The following FAF1 variants were observed in gnomAD, a reference collection of about 807,000 sequenced individuals.
The protein encoded by FAF1 is Fas associated factor 1, also known as FAS-associated factor 1.
In FAF1, 25 loss-of-function variants were observed where a neutral mutation model predicts 92.5. The ratio of observed to expected loss-of-function variants is 0.27; its 90% CI spans 0.20 to 0.38. FAF1 has a LOEUF of 0.38. FAF1 is among the 10% of genes least tolerant of loss of function. FAF1 has a pLI of 1.00. For synonymous variants in FAF1, 234 were observed against 273.2 expected, an observed-to-expected ratio of 0.86 and a Z score of 1.42; for missense variants, 636 against 793.3, an observed-to-expected ratio of 0.80 and a Z score of 2.38.
At chr1:50,656,173 A>T (rs1342102345) in intron 7 of FAF1, among the ~76,000 whole-genome samples, 1 of 152,036 alleles carries the variant, frequency 6.6e-6, no homozygotes, top group Non-Finnish European at 1.5e-5. Context: ...CTTTACTAAA[A>T]ATACAAAAAA....
intron 4 of FAF1, among the ~76,000 whole-genome samples, chr1:50,767,870 C>G (rs1282935813): frequency 1.3e-5 from 2 of 152,126 alleles, no homozygotes; most frequent in African/African-American, 2.4e-5. Flanking sequence ...GCCATTAGCC[C>G]TACAAACAAT....
intron 6 of FAF1, among the ~76,000 whole-genome samples, chr1:50,732,059 C>T (rs1469603707): frequency 6.6e-6 from 1 of 151,596 alleles, no homozygotes; most frequent in Non-Finnish European, 1.5e-5. Flanking sequence ...TTGCTAAATA[C>T]ATTATTATTA....
At chr1:50,647,141 GCCCAGCCTA>G (rs1654635245) in intron 8 of FAF1, among the ~76,000 whole-genome samples, 1 of 152,188 alleles carries the variant, frequency 6.6e-6, no homozygotes, top group Non-Finnish European at 1.5e-5. Context: ...GAGCCACCAT[GCCCAGCCTA>G]GGGCTCCGGA....
intron 4 of FAF1, among the ~76,000 whole-genome samples, chr1:50,770,193 A>G (rs1407739040): frequency 6.6e-6 from 1 of 152,308 alleles, no homozygotes; most frequent in East Asian, 1.9e-4. Flanking sequence ...AAACCAGAAC[A>G]AGAAAAGGAT....
chr1:50,716,514 A>C (rs984768494), intron 6 of FAF1, among the ~76,000 whole-genome samples: 1 of 152,204 alleles, frequency 6.6e-6, no homozygotes, highest in Non-Finnish European at 1.5e-5. Flanking sequence ...AGAGGATTGT[A>C]AAATGCACCA....
intron 3 of FAF1, among the ~76,000 whole-genome samples, chr1:50,797,745 C>T (rs142115437): frequency 1.6e-4 from 24 of 152,224 alleles, no homozygotes; most frequent in African/African-American, 5.8e-4. Flanking sequence ...GTGTCACGTG[C>T]CTGTAGACCC....
At chr1:50,500,557 T>C (rs986178703) in intron 15 of FAF1, among the ~76,000 whole-genome samples, 1 of 152,156 alleles carries the variant, frequency 6.6e-6, no homozygotes, top group African/African-American at 2.4e-5. Context: ...AGTCTAAAGC[T>C]ATAATACTTA....
chr1:50,782,297 C>T (rs1661207193), intron 4 of FAF1, among the ~76,000 whole-genome samples: 1 of 151,954 alleles, frequency 6.6e-6, no homozygotes, highest in South Asian at 2.1e-4. Context: ...CTCTGAAAAC[C>T]TTCCAGTAGG....
intron 4 of FAF1, among the ~76,000 whole-genome samples, chr1:50,756,011 C>A (rs565919637): frequency 1.3e-5 from 2 of 152,184 alleles, no homozygotes; most frequent in African/African-American, 4.8e-5. Context: ...ACCTCTGACA[C>A]GCCCTGGAGA....
intron 1 of FAF1, among the ~76,000 whole-genome samples, chr1:50,897,902 T>C (rs750748578): frequency 6.6e-6 from 1 of 152,196 alleles, no homozygotes; most frequent in Non-Finnish European, 1.5e-5. Context: ...CATAAGATCT[T>C]TGATTTATCT....
At position 50,960,263 on chromosome 1, in the gene FAF1, T is replaced by A. The variant is rs1355962493; in HGVS notation, c.-452A>T. The A allele has an allele frequency of 3.0e-6, 1 of 329,592 alleles. No individual in the cohort carries two copies. The highest frequency in any genetic ancestry group is 5.5e-6 in the Non-Finnish European group (1 of 180,940). The allele number at this position is 329,592 out of a possible 1,614,324, so 20.4% of individuals were successfully genotyped here. A position where few individuals can be genotyped will look rare whatever the true frequency, so the allele number is the denominator to read the frequency against. ...CCTCCCTGGCCGCCGCCTCCGCCCC[T>A]GGTTGGCCAGCGCCACGGCTGTCGC... On this transcript the variant is annotated 5_prime_UTR_variant, in exon 1 of 19. Transcript: ENST00000396153.
chr1:50,542,417 T>C (rs906309023), intron 13 of FAF1, among the ~76,000 whole-genome samples: 1 of 152,186 alleles, frequency 6.6e-6, no homozygotes, highest in African/African-American at 2.4e-5. Flanking sequence ...CTACCATTTA[T>C]AACACTACCA....
chr1:50,479,116 G>A (rs1393213978), intron 17 of FAF1, among the ~76,000 whole-genome samples: 2 of 152,276 alleles, frequency 1.3e-5, no homozygotes, highest in South Asian at 4.2e-4. Context: ...ACAGACATGC[G>A]TTCAAATCCT....
chr1:50,842,726 C>T (rs1249929317), intron 2 of FAF1, among the ~76,000 whole-genome samples: 1 of 152,086 alleles, frequency 6.6e-6, no homozygotes, highest in East Asian at 1.9e-4. Context: ...TAAAATGCTA[C>T]CCCATAAAAT....
intron 15 of FAF1, among the ~76,000 whole-genome samples, chr1:50,531,667 T>C (rs1401442791): frequency 1.3e-5 from 2 of 152,110 alleles, no homozygotes; most frequent in South Asian, 2.1e-4. Flanking sequence ...ATACTACTAA[T>C]GAAAATGTCT....
At chr1:50,487,575 C>A (rs1289960704) in intron 17 of FAF1, among the ~76,000 whole-genome samples, 1 of 152,120 alleles carries the variant, frequency 6.6e-6, no homozygotes, top group Non-Finnish European at 1.5e-5. Context: ...AATAGTCTTA[C>A]AGCCTTTCTC....
At chr1:50,784,466 T>C (rs1390605265) in intron 4 of FAF1, among the ~76,000 whole-genome samples, 1 of 152,106 alleles carries the variant, frequency 6.6e-6, no homozygotes, top group African/African-American at 2.4e-5. Context: ...AAGAATAAAA[T>C]GCTTATGAAT....
At chr1:50,584,841 T>C (rs779144190) in intron 9 of FAF1, 30 bp from the exon 10 acceptor site, 4 of 1,607,372 alleles carry the variant, frequency 2.5e-6, no homozygotes, top group Non-Finnish European at 3.4e-6. Flanking sequence ...ATTAGTTTCA[T>C]ATTGATTTTG....
chr1:50,440,661 C>T lies in FAF1; in HGVS notation c.*779G>A, dbSNP rs1041370012. The stretch of plus-strand genomic sequence containing the variant: ...GCTGGTATCTGTGAGGTTCTAACTG[C>T]CCAAATGCAAACCTAACAGTAGCCT... On this transcript the variant is annotated 3_prime_UTR_variant, in exon 19 of 19. Transcript: ENST00000396153. 1.3e-5 allele frequency: 2 copies of T among 152,232 alleles called. No homozygotes were observed. Among genetic ancestry groups the T allele is most frequent in the Admixed American group, 1.3e-4 (2 of 15,286 alleles). 9.4% of individuals were successfully genotyped at this position (152,232 alleles called of 1,614,324 possible).
Sources: allele counts gnomAD v4.1 joint callset (sites outside exome capture counted in the v4.1 genomes callset), GRCh38; gene constraint gnomAD v4.1.1; transcripts MANE v1.5; gene names NCBI Gene and HGNC (gene_info 2026-07-23, HGNC 2026-07-21).